Variants in TOMM70 observed in about 807,000 individuals in gnomAD.
TOMM70 encodes mitochondrial import receptor subunit TOM70.
In TOMM70, 13 loss-of-function variants were observed where a neutral mutation model predicts 73.6. That is an observed-to-expected ratio of 0.18 (90% CI 0.11 to 0.28). The LOEUF is 0.28. TOMM70 is among the 10% of genes least tolerant of loss of function. The pLI is 1.00. For synonymous variants in TOMM70, 257 were observed against 271.2 expected (o/e 0.95, Z 0.51); for missense variants, 609 against 747.5 (o/e 0.81, Z 2.16).
At position 100,368,073 on chromosome 3, in the gene TOMM70, A is replaced by G. The variant is rs1210825894; in HGVS notation, c.1644T>C (p.Tyr548=). 3 of 1,613,836 alleles carry G rather than the reference A, an allele frequency of 1.9e-6. No homozygotes were observed. The highest frequency in any genetic ancestry group is 2.2e-5 in the East Asian group (1 of 44,866). ...IEIDNKCDFA[Y]ETMGTIEVQR... is the part of the protein sequence containing the mutation. Reference sequence around the variant, plus strand: ...GTACTTCAATAGTTCCCATGGTTTCATAGGCAAAATCACATTTATTGTCAA... The same window carrying G: ...GTACTTCAATAGTTCCCATGGTTTCGTAGGCAAAATCACATTTATTGTCAA... The change falls in exon 11 of 12, where the codon TAT becomes TAC. Residue 548 remains tyrosine (Y), a synonymous_variant. Coordinates refer to ENST00000284320, the MANE Select transcript of TOMM70 (RefSeq NM_014820.5).
Position 100,384,473 on chromosome 3 carries a change from A to C in TOMM70, c.735+6T>G, listed in dbSNP as rs556060992. On this transcript the variant is annotated splice_donor_region_variant and intron_variant, in intron 4 of 11. Coordinates refer to ENST00000284320, the MANE Select transcript of TOMM70 (RefSeq NM_014820.5). ...CTCCCCCATTCCCCAAATCAGATCA[A>C]TTTACCTTATATTTTTCTTTGGCTT... 5 of 1,592,350 alleles carry C rather than the reference A, an allele frequency of 3.1e-6. No homozygotes were observed. The highest frequency in any genetic ancestry group is 4.3e-6 in the Non-Finnish European group (5 of 1,166,836).
chr3:100,387,006 C>T (rs1706699474), intron 1 of TOMM70, 28 bp from the exon 2 acceptor site: 1 of 1,605,106 alleles, frequency 6.2e-7, no homozygotes, highest in Admixed American at 1.7e-5. Context: ...AATTATCAAA[C>T]ACTAATCAAC....
chr3:100,377,984 C>A (rs914897320), intron 5 of TOMM70, 72 bp from the exon 6 acceptor site: 43 of 1,352,158 alleles, frequency 3.2e-5, no homozygotes, highest in Non-Finnish European at 4.2e-5. Context: ...TGGTGGCTCA[C>A]GCCTGTAATC....
chr3:100,371,536 G>C (rs1269539410), intron 9 of TOMM70, among the ~76,000 whole-genome samples: 3 of 151,938 alleles, frequency 2.0e-5, no homozygotes, highest in Non-Finnish European at 4.4e-5. Context: ...CAAAGTGCTG[G>C]GATTGCAGGC....
At chr3:100,391,111 A>G (rs923371684) in intron 1 of TOMM70, among the ~76,000 whole-genome samples, 8 of 152,196 alleles carry the variant, frequency 5.3e-5, no homozygotes, top group Non-Finnish European at 1.2e-4. Flanking sequence ...GCTGCACTCC[A>G]TCCTGGGCAA....
At position 100,390,670 on chromosome 3, in the gene TOMM70, T is replaced by G. The variant is rs775924400; in HGVS notation, c.325-3692A>C. Among the ~76,000 whole-genome samples the G allele has an allele frequency of 1.6e-4, 25 of 151,852 alleles. 1 individual carries two copies. The highest frequency in any genetic ancestry group is 1.0e-3 in the Admixed American group (16 of 15,266). On this transcript the variant is annotated intron_variant, in intron 1 of 11. Coordinates refer to ENST00000284320, the MANE Select transcript of TOMM70 (RefSeq NM_014820.5). ...GGTGAAACCCCATGTCCACTAAAAA[T>G]ACAAAACAATTAGCCAGGTGTGGTG... is the stretch of plus-strand genomic sequence containing the variant.
intron 1 of TOMM70, among the ~76,000 whole-genome samples, chr3:100,388,200 C>T (rs964570024): frequency 3.3e-5 from 5 of 152,148 alleles, no homozygotes; most frequent in African/African-American, 4.8e-5. Context: ...CCAGGACTAA[C>T]AGAGACTGCT....
At chr3:100,391,100 C>T (rs970996501) in intron 1 of TOMM70, among the ~76,000 whole-genome samples, 6 of 151,878 alleles carry the variant, frequency 4.0e-5, no homozygotes, top group South Asian at 2.1e-4. Flanking sequence ...GAGATGGCAC[C>T]GCTGCACTCC....
At chr3:100,385,444 ACTTTT>A (rs1282812631) in intron 3 of TOMM70, among the ~76,000 whole-genome samples, 1 of 152,238 alleles carries the variant, frequency 6.6e-6, no homozygotes, top group African/African-American at 2.4e-5. Context: ...GGTAATCTAC[ACTTTT>A]CTTTTCAGAA....
chr3:100,376,584 A>G (rs1270230795), intron 6 of TOMM70, among the ~76,000 whole-genome samples: 2 of 147,232 alleles, frequency 1.4e-5, no homozygotes, highest in East Asian at 2.0e-4. Flanking sequence ...ATCACGTCCA[A>G]TCTATTTTTT....
rs529744744 is a variant in TOMM70, at chr3:100,391,549, G to A, written c.325-4571C>T. Among the ~76,000 whole-genome samples the A allele has an allele frequency of 5.3e-4, 81 of 152,214 alleles. 2 individuals are homozygous for A. Among genetic ancestry groups the A allele is most frequent in the Middle Eastern group, 3.4e-3 (1 of 294 alleles). On this transcript the variant is annotated intron_variant, in intron 1 of 11. Coordinates refer to ENST00000284320, the MANE Select transcript of TOMM70 (RefSeq NM_014820.5). ...AATAAGACAAAGCTTATAGAGTAGG[G>A]ATATAAAGAAAATATTTTTGTGAAG...
Position 100,372,537 on chromosome 3 carries a change from T to G in TOMM70, c.1452+69A>C. 1.6e-6 allele frequency: 2 copies of G among 1,275,158 alleles called. 1 individual carries two copies. The highest frequency in any genetic ancestry group is 2.7e-5 in the South Asian group (2 of 74,094). 79.0% of individuals were successfully genotyped at this position (1,275,158 alleles called of 1,614,324 possible). A position where few individuals can be genotyped will look rare whatever the true frequency, so the allele number is the denominator to read the frequency against. ...AAGCTGCAACCATGATAGCACTGTT[T>G]TCTGATTTCCATACTGAGATTTGGC... On this transcript the variant is annotated intron_variant, in intron 9 of 11. Transcript: ENST00000284320.
At position 100,377,765 on chromosome 3, in the gene TOMM70, A is replaced by G; in HGVS notation, c.1032T>C (p.Asn344=). ...CTAAATCTGGTTTGGCTGCATTGGC[A>G]TTGCCAATAAGCAGGTAGAAGGTAG... is the stretch of plus-strand genomic sequence containing the variant. ...LRATFYLLIG[N]ANAAKPDLDK... The change falls in exon 6 of 12, where the codon AAT becomes AAC. Residue 344 remains asparagine (N), a synonymous_variant. Transcript: ENST00000284320. The G allele has an allele frequency of 2.5e-6, 4 of 1,614,216 alleles. No homozygotes were observed. The highest frequency in any genetic ancestry group is 3.4e-6 in the Non-Finnish European group (4 of 1,180,042).
At chr3:100,397,888 CA>C (rs1299644342) in intron 1 of TOMM70, among the ~76,000 whole-genome samples, 27 of 138,028 alleles carry the variant, frequency 2.0e-4, no homozygotes, top group Non-Finnish European at 1.4e-4. Flanking sequence ...GACTCCGTAT[CA>C]AAAAAAAAAA....
intron 4 of TOMM70, among the ~76,000 whole-genome samples, chr3:100,382,780 A>C (rs1207906498): frequency 6.6e-6 from 1 of 152,212 alleles, no homozygotes; most frequent in Admixed American, 6.5e-5. Context: ...AGTGAAAATA[A>C]ACGGTTACAA....
At chr3:100,381,534 G>C in intron 5 of TOMM70, 81 bp downstream of exon 5, 1 of 1,313,578 alleles carries the variant, frequency 7.6e-7, no homozygotes. Flanking sequence ...TTGTGAGATG[G>C]CTCAGAACCC....
At chr3:100,378,039 A>C in intron 5 of TOMM70, 127 bp from the exon 6 acceptor site, 1 of 690,576 alleles carries the variant, frequency 1.4e-6, no homozygotes, top group East Asian at 2.9e-5. Flanking sequence ...GAGGTCAGGC[A>C]TTCGAGACCA....
chr3:100,392,823 C>T (rs1261390350), intron 1 of TOMM70, among the ~76,000 whole-genome samples: 2 of 152,178 alleles, frequency 1.3e-5, no homozygotes. Context: ...GAAAAGAAGT[C>T]ATTATATCAA....
chr3:100,383,337 C>G (rs944468609), intron 4 of TOMM70, among the ~76,000 whole-genome samples: 2 of 151,952 alleles, frequency 1.3e-5, no homozygotes, highest in African/African-American at 4.8e-5. Context: ...GCCTGGGTAA[C>G]ATGGTGAAAC....
Sources: allele counts gnomAD v4.1 joint callset (sites outside exome capture counted in the v4.1 genomes callset), GRCh38; gene constraint gnomAD v4.1.1; transcripts MANE v1.5; gene names NCBI Gene and HGNC (gene_info 2026-07-23, HGNC 2026-07-21).